The following LHPP variants were observed in gnomAD, a reference collection of about 807,000 sequenced individuals.
LHPP encodes the protein hLHPP.
Under a neutral mutation model 30.3 loss-of-function variants are expected in LHPP, and 24 were observed. The ratio of observed to expected loss-of-function variants is 0.79; its 90% confidence interval spans 0.57 to 1.11. The LOEUF is 1.11. Ranked by LOEUF, LHPP falls within the 50% of genes most tolerant of loss-of-function variation. The probability of loss-of-function intolerance (pLI) is 0.00; values close to 1 mark genes in which losing one functional copy is unlikely to be tolerated. For missense variants in LHPP, 356 were observed against 367.2 expected (o/e 0.97, Z 0.25); for synonymous variants, 150 against 157.1 (o/e 0.95, Z 0.34).
At chr10:124,483,500 C>T (rs984945975) in intron 1 of LHPP, among the ~76,000 whole-genome samples, 8 of 152,128 alleles carry the variant, frequency 5.3e-5, no homozygotes, top group East Asian at 3.9e-4. Flanking sequence ...GGGCCAGGCA[C>T]GGTGGCTCAC....
At chr10:124,479,668 C>T (rs1953066531) in intron 1 of LHPP, among the ~76,000 whole-genome samples, 1 of 152,194 alleles carries the variant, frequency 6.6e-6, no homozygotes, top group Non-Finnish European at 1.5e-5. Context: ...AGGGTGCTCT[C>T]TGGTGTCTCT....
At chr10:124,602,545 T>C (rs57965666) in intron 6 of LHPP, among the ~76,000 whole-genome samples, 4,533 of 152,302 alleles carry the variant, frequency 0.03, 92 homozygotes, top group African/African-American at 0.059. Flanking sequence ...GGCAGATCCC[T>C]TCCTGTGCCT....
At position 124,467,710 on chromosome 10, in the gene LHPP, T is replaced by TTTG. The variant is rs10691946; in HGVS notation, c.125+5744_125+5746dup. Among the ~76,000 whole-genome samples, 1,406 of 149,038 alleles carry TTTG rather than the reference T, an allele frequency of 9.4e-3. 18 individuals carry two copies. Among genetic ancestry groups the TTTG allele is most frequent in the Non-Finnish European group, 0.012 (790 of 67,270 alleles). On this transcript the variant is annotated intron_variant, in intron 1 of 6. Coordinates refer to ENST00000368842, the MANE Select transcript of LHPP (RefSeq NM_022126.4). The stretch of plus-strand genomic sequence containing the variant: ...TTTTCTTTTGTGTGTGTGTGTGTTT[T>TTTG]TTGTTGTTGTTGTTGTTGTTGTTTT...
At position 124,491,964 on chromosome 10, in the gene LHPP, T is replaced by C. The variant is rs533081838; in HGVS notation, c.467+3389T>C. On this transcript the variant is annotated intron_variant, in intron 3 of 6. Coordinates refer to ENST00000368842, the MANE Select transcript of LHPP (RefSeq NM_022126.4). ...AACCTTAAATGTATTTTTGAGGCTG[T>C]GTTTAAAAATGGGGATATTTTACAC... is the stretch of plus-strand genomic sequence containing the variant. Among the ~76,000 whole-genome samples, 286 of 152,202 alleles carry C rather than the reference T, an allele frequency of 1.9e-3. 1 individual carries two copies. The highest frequency in any genetic ancestry group is 6.3e-3 in the African/African-American group (263 of 41,464).
chr10:124,543,332 C>T (rs1304752268), intron 6 of LHPP, among the ~76,000 whole-genome samples: 5 of 152,256 alleles, frequency 3.3e-5, no homozygotes, highest in African/African-American at 1.2e-4. Flanking sequence ...TAGACACCCC[C>T]GGTCGGCCCA....
At chr10:124,587,330 C>T (rs12768700) in intron 6 of LHPP, among the ~76,000 whole-genome samples, 30,674 of 151,762 alleles carry the variant, frequency 0.2, 3,305 homozygotes, top group Non-Finnish European at 0.23. Flanking sequence ...CCACCGCGCC[C>T]GGCCTCCACT....
At chr10:124,477,070 G>T (rs1564773054) in intron 1 of LHPP, among the ~76,000 whole-genome samples, 2 of 152,200 alleles carry the variant, frequency 1.3e-5, no homozygotes, top group African/African-American at 4.8e-5. Flanking sequence ...GTGCATGGTG[G>T]CACGCGCCTG....
chr10:124,568,422 G>C (rs963491445), intron 6 of LHPP, among the ~76,000 whole-genome samples: 3 of 152,122 alleles, frequency 2.0e-5, no homozygotes, highest in Non-Finnish European at 4.4e-5. Context: ...TCTGCCCCCG[G>C]GACAGTTTTG....
intron 6 of LHPP, 182 bp from the exon 7 acceptor site, chr10:124,613,082 T>G: frequency 1.6e-6 from 1 of 623,030 alleles, no homozygotes; most frequent in African/African-American, 1.8e-5. Flanking sequence ...GGAGGGGCCA[T>G]GTGTGCCTGA....
At chr10:124,463,807 C>G (rs1395243248) in intron 1 of LHPP, among the ~76,000 whole-genome samples, 4 of 141,098 alleles carry the variant, frequency 2.8e-5, no homozygotes, top group Non-Finnish European at 6.0e-5. Context: ...CACACCTGGC[C>G]TAATTTTTTT....
At chr10:124,566,909 AG>A (rs949835772) in intron 6 of LHPP, among the ~76,000 whole-genome samples, 10 of 152,222 alleles carry the variant, frequency 6.6e-5, no homozygotes, top group African/African-American at 2.4e-4. Context: ...CCCTGTGAGC[AG>A]GGGTGCAGAA....
At chr10:124,611,177 G>A (rs188707265) in intron 6 of LHPP, among the ~76,000 whole-genome samples, 1 of 152,144 alleles carries the variant, frequency 6.6e-6, no homozygotes, top group East Asian at 1.9e-4. Context: ...ACTGGCATCT[G>A]TAGGTGCCCC....
intron 6 of LHPP, among the ~76,000 whole-genome samples, chr10:124,603,138 G>A (rs897537477): frequency 2.6e-5 from 4 of 152,202 alleles, no homozygotes; most frequent in South Asian, 2.1e-4. Flanking sequence ...TGCTGCCTGC[G>A]GGCGGCAGCC....
intron 6 of LHPP, among the ~76,000 whole-genome samples, chr10:124,565,712 G>A (rs1027238845): frequency 2.0e-5 from 3 of 152,188 alleles, no homozygotes; most frequent in East Asian, 3.9e-4. Flanking sequence ...TGGCACAGGC[G>A]GAAGAAGCCA....
intron 3 of LHPP, chr10:124,489,928 G>A: frequency 5.3e-6 from 1 of 189,308 alleles, no homozygotes; most frequent in Non-Finnish European, 1.1e-5. Context: ...CAGGGGGACA[G>A]CACTCCATCT....
intron 2 of LHPP, among the ~76,000 whole-genome samples, chr10:124,484,530 C>T (rs564417398): frequency 6.6e-6 from 1 of 151,836 alleles, no homozygotes; most frequent in South Asian, 2.1e-4. Context: ...ATTCCTTGGC[C>T]TCACACCAGA....
chr10:124,481,985 G>T (rs995413244), intron 1 of LHPP, among the ~76,000 whole-genome samples: 1 of 152,198 alleles, frequency 6.6e-6, no homozygotes, highest in Non-Finnish European at 1.5e-5. Context: ...ACTCCACTGT[G>T]TGTAGATATC....
intron 6 of LHPP, among the ~76,000 whole-genome samples, chr10:124,611,700 A>G (rs553963399): frequency 6.6e-6 from 1 of 152,218 alleles, no homozygotes; most frequent in East Asian, 1.9e-4. Flanking sequence ...CTGGGCTGAG[A>G]ACCCTTAAAA....
chr10:124,468,687 C>G (rs1952634116), intron 1 of LHPP, among the ~76,000 whole-genome samples: 1 of 152,234 alleles, frequency 6.6e-6, no homozygotes, highest in Non-Finnish European at 1.5e-5. Context: ...AAACCTGTTT[C>G]CGCCCACACC....
Sources: allele counts gnomAD v4.1 joint callset (sites outside exome capture counted in the v4.1 genomes callset), GRCh38; gene constraint gnomAD v4.1.1; transcripts MANE v1.5; gene names NCBI Gene and HGNC (gene_info 2026-07-23, HGNC 2026-07-21).